Variants in HPCAL1 observed in about 807,000 individuals in gnomAD.
The protein encoded by HPCAL1 is hippocalcin-like protein 1.
A neutral mutation model predicts 17.1 loss-of-function variants in HPCAL1; 8 were observed. The ratio of observed to expected loss-of-function variants is 0.47; its 90% CI spans 0.27 to 0.84. HPCAL1 has a LOEUF of 0.84. Ranked by LOEUF, HPCAL1 falls within the 40% of genes least tolerant of loss-of-function variation. HPCAL1 has a pLI of 0.13. For missense variants in HPCAL1, 165 were observed against 271.1 expected, an observed-to-expected ratio of 0.61 and a Z score of 2.75; for synonymous variants, 112 against 111.4, an observed-to-expected ratio of 1.01 and a Z score of -0.03.
In HPCAL1 at chr2:10,323,123, C is replaced by T. The variant is rs114201688; in HGVS notation, c.-111+19946C>T. On this transcript the variant is annotated intron_variant, in intron 1 of 4. Coordinates refer to ENST00000307845, the MANE Select transcript of HPCAL1 (RefSeq NM_002149.4). This position sits in a 1 kb window ranked among gnomAD's most constrained non-coding sequence, Gnocchi z 4.6. ...CTGTGCTGCAGCCACCACCACTGGC[C>T]GCTTCATGGCATGTTTCCAGCACAA... is the stretch of plus-strand genomic sequence containing the variant. 0.011 allele frequency among the ~76,000 whole-genome samples: 1,709 copies of T among 152,304 alleles called. 34 individuals are homozygous for T. Among genetic ancestry groups the T allele is most frequent in the African/African-American group, 0.039 (1,612 of 41,544 alleles).
intron 1 of HPCAL1, among the ~76,000 whole-genome samples, chr2:10,375,896 A>G (rs767395800): frequency 6.6e-6 from 1 of 152,198 alleles, no homozygotes; most frequent in Non-Finnish European, 1.5e-5. Flanking sequence ...ATAGTAGCTG[A>G]TGTGGTTTGG....
In HPCAL1 at chr2:10,426,931, C is replaced by T; in HGVS notation, c.*110C>T. 1 of 1,044,436 alleles carries T rather than the reference C, an allele frequency of 9.6e-7. No individual in the cohort carries two copies. Among genetic ancestry groups the T allele is most frequent in the East Asian group, 2.5e-5 (1 of 39,910 alleles). The allele number at this position is 1,044,436 out of a possible 1,614,324, so 64.7% of individuals were successfully genotyped here. ...CGTTCCTGCTCTCCCGGGCCCCGGG[C>T]CTGGGGCATGCGTTGCACCTGCCCA... On this transcript the variant is annotated 3_prime_UTR_variant, in exon 5 of 5. Transcript: ENST00000307845.
At chr2:10,399,532 C>CATCACCACCAT (rs1558518757) in intron 2 of HPCAL1, among the ~76,000 whole-genome samples, 1 of 111,980 alleles carries the variant, frequency 8.9e-6, no homozygotes, top group Non-Finnish European at 1.8e-5. Context: ...ACCGCCACTG[C>CATCACCACCAT]CACCGCCACC....
intron 1 of HPCAL1, among the ~76,000 whole-genome samples, chr2:10,332,243 G>A (rs12469577): frequency 0.23 from 34,279 of 152,136 alleles, 4,384 homozygotes; most frequent in East Asian, 0.56. Context: ...CCATGATCCC[G>A]TCAGCTTCTT....
intron 1 of HPCAL1, among the ~76,000 whole-genome samples, chr2:10,388,181 C>T (rs901764113): frequency 1.1e-4 from 16 of 152,302 alleles, no homozygotes; most frequent in African/African-American, 3.9e-4. Context: ...ATAGAAAGTA[C>T]TGGATTGGGA....
At chr2:10,374,471 G>T (rs1667421268) in intron 1 of HPCAL1, among the ~76,000 whole-genome samples, 1 of 152,222 alleles carries the variant, frequency 6.6e-6, no homozygotes. Context: ...TACAGCGACA[G>T]CTGTTCCTCT....
At position 10,413,543 on chromosome 2, in the gene HPCAL1, G is replaced by A. The variant is rs547588810; in HGVS notation, c.-24-6191G>A. 2.4e-3 allele frequency among the ~76,000 whole-genome samples: 358 copies of A among 152,336 alleles called. 1 individual carries two copies. Among genetic ancestry groups the A allele is most frequent in the African/African-American group, 7.8e-3 (325 of 41,568 alleles). On this transcript the variant is annotated intron_variant, in intron 2 of 4. Transcript: ENST00000307845. Reference sequence around the variant, plus strand: ...GAGGTGCTGAGTGAGGCAGGAGGCCGCAGGCGCACACGTCTGCCCTCTGGC... The same window carrying A: ...GAGGTGCTGAGTGAGGCAGGAGGCCACAGGCGCACACGTCTGCCCTCTGGC...
chr2:10,393,703 A>T (rs7580561), intron 1 of HPCAL1, among the ~76,000 whole-genome samples: 86,397 of 152,000 alleles, frequency 0.57, 24,901 homozygotes, highest in South Asian at 0.64. Flanking sequence ...ATGTGGAGAT[A>T]GGGTGTGCTT....
chr2:10,409,295 A>G lies in HPCAL1; in HGVS notation c.-24-10439A>G, dbSNP rs907240741. ...CTCAGGCCCTGGGAGCCTGTTCAAC[A>G]GCTCCCTCTAGCGTCGGCCCAGCCA... On this transcript the variant is annotated intron_variant, in intron 2 of 4. Transcript: ENST00000307845. Among the ~76,000 whole-genome samples the G allele has an allele frequency of 1.3e-4, 20 of 152,224 alleles. No homozygotes were observed. The East Asian group carries it at 3.9e-3, about 29-fold the overall frequency.
Position 10,365,584 on chromosome 2 carries a change from C to T in HPCAL1, c.-110-31251C>T, listed in dbSNP as rs962195280. Among the ~76,000 whole-genome samples, 2 of 152,074 alleles carry T rather than the reference C, an allele frequency of 1.3e-5. No homozygotes were observed. Among genetic ancestry groups the T allele is most frequent in the African/African-American group, 2.4e-5 (1 of 41,390 alleles). On this transcript the variant is annotated intron_variant, in intron 1 of 4. Coordinates refer to ENST00000307845, the MANE Select transcript of HPCAL1 (RefSeq NM_002149.4). The surrounding 1 kb of genome is among the most constrained non-coding windows in gnomAD (Gnocchi z 4.8). ...TTGGGTGGTTCCCCTTCAGCCCTGGCGTTATGATGTCCCGCCCAACCCCCG... is the reference window on the plus strand; with the variant it reads ...TTGGGTGGTTCCCCTTCAGCCCTGGTGTTATGATGTCCCGCCCAACCCCCG...
At position 10,384,725 on chromosome 2, in the gene HPCAL1, G is replaced by A. The variant is rs1017188489; in HGVS notation, c.-110-12110G>A. On this transcript the variant is annotated intron_variant, in intron 1 of 4. Coordinates refer to ENST00000307845, the MANE Select transcript of HPCAL1 (RefSeq NM_002149.4). The surrounding 1 kb of genome is among the most constrained non-coding windows in gnomAD (Gnocchi z 4.4). ...GAGTGTTCTAGGCAGAGTAAACAGT[G>A]CAGTGGCAGCCGGGGCTGGCACTTT... is the stretch of plus-strand genomic sequence containing the variant. 1.2e-4 allele frequency among the ~76,000 whole-genome samples: 18 copies of A among 152,188 alleles called. No homozygotes were observed. Among genetic ancestry groups the A allele is most frequent in the Admixed American group, 8.5e-4 (13 of 15,284 alleles).
rs1276869248 is a variant in HPCAL1 at position 10,331,716 on chromosome 2, G to A, written c.-111+28539G>A. Reference sequence around the variant, plus strand: ...TTCCCCCGCATGCATCTTTCTCCCCGTCTGGCATGGTGTTTCTAGTCTTTT... The same window carrying A: ...TTCCCCCGCATGCATCTTTCTCCCCATCTGGCATGGTGTTTCTAGTCTTTT... On this transcript the variant is annotated intron_variant, in intron 1 of 4. Coordinates refer to ENST00000307845, the MANE Select transcript of HPCAL1 (RefSeq NM_002149.4). This position sits in a 1 kb window ranked among gnomAD's most constrained non-coding sequence, Gnocchi z 5.0. Among the ~76,000 whole-genome samples the A allele has an allele frequency of 3.3e-5, 5 of 152,108 alleles. No homozygotes were observed. The highest frequency in any genetic ancestry group is 5.9e-5 in the Non-Finnish European group (4 of 68,032).
Position 10,353,768 on chromosome 2 carries a change from A to G in HPCAL1, c.-110-43067A>G, listed in dbSNP as rs556742593. Among the ~76,000 whole-genome samples, 3 of 152,192 alleles carry G rather than the reference A, an allele frequency of 2.0e-5. No homozygotes were observed. The South Asian group carries it at 6.2e-4, about 32-fold the overall frequency. Reference sequence around the variant, plus strand: ...GAGTTTTAGTAGACGAGGTCTCACTATGTTGCCCAGATTGGTCTTGAACTC... The same window carrying G: ...GAGTTTTAGTAGACGAGGTCTCACTGTGTTGCCCAGATTGGTCTTGAACTC... On this transcript the variant is annotated intron_variant, in intron 1 of 4. Transcript: ENST00000307845.
At chr2:10,371,983 G>T (rs942790519) in intron 1 of HPCAL1, among the ~76,000 whole-genome samples, 2 of 152,174 alleles carry the variant, frequency 1.3e-5, no homozygotes, top group African/African-American at 4.8e-5. Context: ...CTTCTTAGAG[G>T]GTGTTTCACA....
At chr2:10,332,714 G>A (rs1056917394) in intron 1 of HPCAL1, among the ~76,000 whole-genome samples, 1 of 152,160 alleles carries the variant, frequency 6.6e-6, no homozygotes, top group African/African-American at 2.4e-5. Context: ...GAAGTGGAGT[G>A]GGCTGGGTGA....
At chr2:10,396,571 C>T (rs2125574835) in intron 1 of HPCAL1, among the ~76,000 whole-genome samples, 1 of 152,370 alleles carries the variant, frequency 6.6e-6, no homozygotes, top group Admixed American at 6.5e-5. Flanking sequence ...AGCAACCTCA[C>T]TCGAAGGGTG....
At chr2:10,381,354 G>A (rs1481631223) in intron 1 of HPCAL1, among the ~76,000 whole-genome samples, 3 of 152,230 alleles carry the variant, frequency 2.0e-5, no homozygotes, top group Non-Finnish European at 4.4e-5. Context: ...CCTTCCCGCT[G>A]TGTGGCTCCA....
At position 10,377,925 on chromosome 2, in the gene HPCAL1, G is replaced by A. The variant is rs1052254836; in HGVS notation, c.-110-18910G>A. Among the ~76,000 whole-genome samples the A allele has an allele frequency of 4.0e-5, 6 of 151,258 alleles. No homozygotes were observed. The highest frequency in any genetic ancestry group is 7.4e-5 in the Non-Finnish European group (5 of 67,584). On this transcript the variant is annotated intron_variant, in intron 1 of 4. Coordinates refer to ENST00000307845, the MANE Select transcript of HPCAL1 (RefSeq NM_002149.4). This position sits in a 1 kb window ranked among gnomAD's most constrained non-coding sequence, Gnocchi z 5.9. ...GGCATTTCAGAGAGTGCAAGGAGGC[G>A]GCGAAGATGCTGGTTGAGGGCACGG... is the stretch of plus-strand genomic sequence containing the variant.
rs570169807 is a variant in HPCAL1, at chr2:10,331,442, A to C, written c.-111+28265A>C. Among the ~76,000 whole-genome samples, 2 of 152,020 alleles carry C rather than the reference A, an allele frequency of 1.3e-5. No individual in the cohort carries two copies. Among genetic ancestry groups the C allele is most frequent in the South Asian group, 4.1e-4 (2 of 4,822 alleles). ...CTCCTTTCTTCATGTCCCTTGTCCC[A>C]CAGGACACCGTTTCTGAACCCAGGA... On this transcript the variant is annotated intron_variant, in intron 1 of 4. Transcript: ENST00000307845. This position sits in a 1 kb window ranked among gnomAD's most constrained non-coding sequence, Gnocchi z 5.0.
Sources: gnomAD v4.1 joint callset for allele counts (sites outside exome capture counted in the v4.1 genomes callset) on GRCh38, gnomAD v4.1.1 for gene constraint, Gnocchi (gnomAD v3.1) non-coding constraint, MANE v1.5 for transcripts, NCBI Gene and HGNC (gene_info 2026-07-23, HGNC 2026-07-21) for gene names.